GCH1: variants seen among roughly 807,000 people sequenced by gnomAD.
The protein encoded by GCH1 is GTP cyclohydrolase I.
Under a neutral mutation model 25.9 loss-of-function variants are expected in GCH1, and 5 were observed. That is an observed-to-expected ratio of 0.19 (90% confidence interval 0.10 to 0.41). The LOEUF (loss-of-function observed/expected upper bound fraction) is 0.41, where lower values mean the gene tolerates loss of function less well. Ranked by LOEUF, GCH1 falls within the 10% of genes least tolerant of loss-of-function variation. The pLI, the probability that GCH1 is intolerant of heterozygous loss-of-function variation, is 1.00. For synonymous variants in GCH1, 159 were observed against 129.6 expected, an observed-to-expected ratio of 1.23 and a Z score of -1.54; for missense variants, 261 against 336.5, an observed-to-expected ratio of 0.78 and a Z score of 1.75.
At chr14:54,895,686 A>G (rs557964621) in intron 1 of GCH1, among the ~76,000 whole-genome samples, 1 of 152,316 alleles carries the variant, frequency 6.6e-6, no homozygotes, top group African/African-American at 2.4e-5. Context: ...TATTTAAGAG[A>G]ACTAGGATAC....
intron 1 of GCH1, among the ~76,000 whole-genome samples, chr14:54,880,999 A>G (rs2040263888): frequency 6.6e-6 from 1 of 150,964 alleles, no homozygotes; most frequent in African/African-American, 2.4e-5. Context: ...TAATTTTTGT[A>G]TTTTTAGTAG....
intron 3 of GCH1, among the ~76,000 whole-genome samples, chr14:54,848,257 T>G (rs1594972456): frequency 6.6e-6 from 1 of 151,718 alleles, no homozygotes; most frequent in Non-Finnish European, 1.5e-5. Context: ...CTGCCTCAGC[T>G]TCCTGAGTAG....
At chr14:54,874,487 G>C (rs2040128815) in intron 1 of GCH1, among the ~76,000 whole-genome samples, 1 of 152,158 alleles carries the variant, frequency 6.6e-6, no homozygotes, top group Admixed American at 6.5e-5. Context: ...TGGAAGTTCT[G>C]GCCAGGGCAA....
At chr14:54,847,983 C>A (rs1471120966) in intron 3 of GCH1, among the ~76,000 whole-genome samples, 3 of 151,998 alleles carry the variant, frequency 2.0e-5, no homozygotes, top group Non-Finnish European at 4.4e-5. Flanking sequence ...CCAACTAAAC[C>A]TATTAGGAGA....
intron 1 of GCH1, among the ~76,000 whole-genome samples, chr14:54,868,018 G>A (rs2040013747): frequency 6.6e-6 from 1 of 152,182 alleles, no homozygotes; most frequent in Non-Finnish European, 1.5e-5. Flanking sequence ...AGGACACCAT[G>A]AGAAGGGCAC....
At chr14:54,854,114 T>C (rs1292735228) in intron 3 of GCH1, among the ~76,000 whole-genome samples, 1 of 152,246 alleles carries the variant, frequency 6.6e-6, no homozygotes, top group Non-Finnish European at 1.5e-5. Context: ...GATACAAGAT[T>C]TTCAACTTGT....
Position 54,843,364 on chromosome 14 carries a change from C to A in GCH1, c.*653G>T. 7.9e-7 allele frequency: 1 copy of A among 1,268,388 alleles called. No individual in the cohort carries two copies. The highest frequency in any genetic ancestry group is 9.9e-7 in the Non-Finnish European group (1 of 1,009,424). 78.6% of individuals were successfully genotyped at this position (1,268,388 alleles called of 1,614,324 possible). A position where few individuals can be genotyped will look rare whatever the true frequency, so the allele number is the denominator to read the frequency against. On this transcript the variant is annotated 3_prime_UTR_variant, in exon 6 of 6. Transcript: ENST00000491895. ...ACGAGAATACACTCGTAAACAACAC[C>A]AGGAACTAATTCCCTATTCTTGAAT...
At chr14:54,850,176 G>C (rs894806328) in intron 3 of GCH1, among the ~76,000 whole-genome samples, 12 of 152,000 alleles carry the variant, frequency 7.9e-5, no homozygotes, top group African/African-American at 2.9e-4. Flanking sequence ...GTTTCACCAT[G>C]TTGGCCAGGC....
rs764999718 is a variant in GCH1, at chr14:54,855,505, C to CAAAAAAA, written c.509+4169_509+4175dup. On this transcript the variant is annotated intron_variant, in intron 3 of 5. Coordinates refer to ENST00000491895, the MANE Select transcript of GCH1 (RefSeq NM_000161.3). ...TGGGCGACAGAGAAAGACCCTGTCT[C>CAAAAAAA]AAAAAAAAAAAAAAAAAAAAAAAAG... is the stretch of plus-strand genomic sequence containing the variant. 5.5e-4 allele frequency among the ~76,000 whole-genome samples: 20 copies of CAAAAAAA among 36,416 alleles called. 2 individuals carry two copies. The highest frequency in any genetic ancestry group is 1.2e-3 in the African/African-American group (7 of 5,646). 23.9% of individuals were successfully genotyped at this position (36,416 alleles called of 152,430 possible).
At chr14:54,883,540 G>A (rs2040304069) in intron 1 of GCH1, among the ~76,000 whole-genome samples, 1 of 152,044 alleles carries the variant, frequency 6.6e-6, no homozygotes, top group Admixed American at 6.5e-5. Flanking sequence ...TTAGCTGGGC[G>A]TGGTGGCAGG....
intron 1 of GCH1, among the ~76,000 whole-genome samples, chr14:54,867,481 G>A (rs920287963): frequency 2.6e-5 from 4 of 151,546 alleles, no homozygotes; most frequent in African/African-American, 7.3e-5. Context: ...CCAGCTACTC[G>A]GGGGGCTGAG....
At position 54,845,477 on chromosome 14, in the gene GCH1, C is replaced by CA. The variant is rs202052423; in HGVS notation, c.626+290dup. 5.2e-3 allele frequency among the ~76,000 whole-genome samples: 721 copies of CA among 137,742 alleles called. 9 individuals are homozygous for CA. Among genetic ancestry groups the CA allele is most frequent in the African/African-American group, 0.015 (592 of 38,204 alleles). 90.4% of individuals were successfully genotyped at this position (137,742 alleles called of 152,430 possible). On this transcript the variant is annotated intron_variant, in intron 5 of 5. Coordinates refer to ENST00000491895, the MANE Select transcript of GCH1 (RefSeq NM_000161.3). ...TGGGCGACAGAGTGAGGCTCCATCT[C>CA]AAAAAAAAAAAAGGCTATTGATTAT...
In GCH1 at chr14:54,891,401, T is replaced by C. The variant is rs2040421052; in HGVS notation, c.343+10920A>G. Among the ~76,000 whole-genome samples the C allele has an allele frequency of 2.1e-5, 3 of 140,494 alleles. No homozygotes were observed. In the South Asian group the frequency reaches 6.9e-4, roughly 32 times the overall value. The allele number at this position is 140,494 out of a possible 152,430, so 92.2% of individuals were successfully genotyped here. ...GATTACAGGCATGAGCCATCATGCC[T>C]GGCATTTTTTTTTTTTTTTTTTTTT... is the stretch of plus-strand genomic sequence containing the variant. On this transcript the variant is annotated intron_variant, in intron 1 of 5. Transcript: ENST00000491895.
At chr14:54,861,092 T>TA (rs1282740247) in intron 2 of GCH1, among the ~76,000 whole-genome samples, 1 of 152,192 alleles carries the variant, frequency 6.6e-6, no homozygotes, top group Non-Finnish European at 1.5e-5. Context: ...AATATAAAAT[T>TA]AGAGACTCAA....
chr14:54,879,364 T>C (rs1199878693), intron 1 of GCH1, among the ~76,000 whole-genome samples: 2 of 140,840 alleles, frequency 1.4e-5, no homozygotes, highest in African/African-American at 5.3e-5. Context: ...AAGGTTGCAG[T>C]GACTTCAGAT....
intron 1 of GCH1, among the ~76,000 whole-genome samples, chr14:54,889,792 A>G (rs542256197): frequency 2.6e-5 from 4 of 152,356 alleles, no homozygotes; most frequent in African/African-American, 9.6e-5. Context: ...AGCTCCAGCA[A>G]GGAAATGAGA....
intron 1 of GCH1, among the ~76,000 whole-genome samples, chr14:54,878,625 T>A (rs923507612): frequency 1.3e-5 from 2 of 152,224 alleles, no homozygotes; most frequent in Non-Finnish European, 2.9e-5. Context: ...CACACTGGGC[T>A]ATAAGTTTCT....
At chr14:54,862,362 C>G (rs9671455) in intron 2 of GCH1, among the ~76,000 whole-genome samples, 38,136 of 147,660 alleles carry the variant, frequency 0.26, 5,572 homozygotes, top group African/African-American at 0.36. Context: ...TCTTCAGCAC[C>G]CTTATGAAGC....
chr14:54,898,211 C>T (rs1275236198), intron 1 of GCH1, among the ~76,000 whole-genome samples: 1 of 152,116 alleles, frequency 6.6e-6, no homozygotes, highest in African/African-American at 2.4e-5. Flanking sequence ...GAGACCCTGC[C>T]TCTATATTTA....
Sources: allele counts gnomAD v4.1 joint callset (sites outside exome capture counted in the v4.1 genomes callset), GRCh38; gene constraint gnomAD v4.1.1; transcripts MANE v1.5; gene names NCBI Gene and HGNC (gene_info 2026-07-23, HGNC 2026-07-21).